The following CTNNA2 variants were observed in gnomAD, a reference collection of about 807,000 sequenced individuals.
The protein encoded by CTNNA2 is catenin alpha 2.
Under a neutral mutation model 101.0 loss-of-function variants are expected in CTNNA2, and 42 were observed. The observed-to-expected ratio is 0.42, with a 90% CI of 0.32 to 0.54. The LOEUF (loss-of-function observed/expected upper bound fraction) is 0.54, where lower values mean the gene tolerates loss of function less well. Ranked by LOEUF, CTNNA2 falls within the 20% of genes least tolerant of loss-of-function variation. The probability of loss-of-function intolerance (pLI) is 0.14; values close to 1 mark genes in which losing one functional copy is unlikely to be tolerated. For missense variants in CTNNA2, 871 were observed against 1,223.1 expected (o/e 0.71, Z 4.29); for synonymous variants, 450 against 456.4 (o/e 0.99, Z 0.18).
At chr2:80,507,236 G>A (rs1342463447) in intron 9 of CTNNA2, among the ~76,000 whole-genome samples, 1 of 152,178 alleles carries the variant, frequency 6.6e-6, no homozygotes, top group Non-Finnish European at 1.5e-5. Flanking sequence ...AAAGTACTTA[G>A]CAAGCGACGG....
chr2:80,128,495 G>A lies in CTNNA2; in HGVS notation c.1056+218698G>A, dbSNP rs139174658. 2.2e-3 allele frequency among the ~76,000 whole-genome samples: 337 copies of A among 152,172 alleles called. 3 individuals carry two copies. The highest frequency in any genetic ancestry group is 0.014 in the Middle Eastern group (4 of 294). On this transcript the variant is annotated intron_variant, in intron 7 of 18. Transcript: ENST00000402739. ...ATAATAACATCTGCCCCTCTGCCAC[G>A]CATGGGTGTTTTCAAAGCAACGTAA...
chr2:79,419,643 A>G (rs1678520395), intron 4 of CTNNA2, among the ~76,000 whole-genome samples: 1 of 152,200 alleles, frequency 6.6e-6, no homozygotes, highest in African/African-American at 2.4e-5. Context: ...TCTACAGAGC[A>G]ATAAATCCAT....
intron 1 of CTNNA2, among the ~76,000 whole-genome samples, chr2:79,529,026 A>C (rs1264690607): frequency 1.3e-5 from 2 of 152,198 alleles, no homozygotes; most frequent in Non-Finnish European, 2.9e-5. Flanking sequence ...AATTAGACAA[A>C]GGTCAAGAAG....
intron 1 of CTNNA2, among the ~76,000 whole-genome samples, chr2:79,642,763 C>A (rs1471052353): frequency 1.4e-5 from 2 of 141,430 alleles, no homozygotes; most frequent in Admixed American, 6.9e-5. Flanking sequence ...GATAATAATA[C>A]AAAAGATTTC....
In CTNNA2 at chr2:80,454,545, T is replaced by A. The variant is rs114595109; in HGVS notation, c.1290+34944T>A. 7.5e-3 allele frequency among the ~76,000 whole-genome samples: 1,145 copies of A among 152,318 alleles called. 14 individuals carry two copies. Among genetic ancestry groups the A allele is most frequent in the African/African-American group, 0.025 (1,050 of 41,554 alleles). ...CATGAATCCCTTGTCCTTGAACGTG[T>A]TCAAATGTTAGATTTTTAAAAAGCT... On this transcript the variant is annotated intron_variant, in intron 9 of 18. Transcript: ENST00000402739.
At chr2:80,285,972 C>T (rs543635592) in intron 7 of CTNNA2, among the ~76,000 whole-genome samples, 12 of 152,242 alleles carry the variant, frequency 7.9e-5, no homozygotes, top group Non-Finnish European at 1.5e-4. Flanking sequence ...GGGAAATTGA[C>T]TGTCAATTTC....
At chr2:80,534,855 G>A (rs1035940900) in intron 9 of CTNNA2, among the ~76,000 whole-genome samples, 1 of 152,122 alleles carries the variant, frequency 6.6e-6, no homozygotes, top group African/African-American at 2.4e-5. Flanking sequence ...AAAACTAGAT[G>A]CCTAAAGATG....
chr2:79,583,097 C>T (rs192235563), intron 1 of CTNNA2, among the ~76,000 whole-genome samples: 1 of 151,974 alleles, frequency 6.6e-6, no homozygotes, highest in Admixed American at 6.6e-5. Context: ...ATTATTCTAC[C>T]ACATGGTTGT....
chr2:79,832,299 G>A (rs1279301299), intron 3 of CTNNA2, among the ~76,000 whole-genome samples: 1 of 152,148 alleles, frequency 6.6e-6, no homozygotes, highest in Non-Finnish European at 1.5e-5. Flanking sequence ...TTCCTATGGT[G>A]AATATTCTGA....
chr2:80,566,211 A>G (rs1309703658), intron 12 of CTNNA2, among the ~76,000 whole-genome samples: 1 of 152,204 alleles, frequency 6.6e-6, no homozygotes, highest in African/African-American at 2.4e-5. Flanking sequence ...CAACATGGCA[A>G]CTGTCTTCCA....
chr2:79,493,042 A>G (rs1481721657), intron 4 of CTNNA2, among the ~76,000 whole-genome samples: 1 of 152,178 alleles, frequency 6.6e-6, no homozygotes, highest in African/African-American at 2.4e-5. Flanking sequence ...ACAAACTATG[A>G]TTGGGAAAAA....
intron 7 of CTNNA2, among the ~76,000 whole-genome samples, chr2:80,221,744 C>A (rs1348285115): frequency 6.6e-6 from 1 of 152,094 alleles, no homozygotes; most frequent in Admixed American, 6.6e-5. Flanking sequence ...TTATAAACTG[C>A]CTGAGCAATC....
At chr2:79,416,614 C>T (rs533797844) in intron 4 of CTNNA2, among the ~76,000 whole-genome samples, 14 of 152,166 alleles carry the variant, frequency 9.2e-5, no homozygotes, top group Admixed American at 9.2e-4. Context: ...GCTTTGTCTT[C>T]TTTAAGCTTA....
chr2:79,958,689 A>G (rs1400039339), intron 7 of CTNNA2, among the ~76,000 whole-genome samples: 1 of 152,204 alleles, frequency 6.6e-6, no homozygotes, highest in Non-Finnish European at 1.5e-5. Flanking sequence ...AAGATAATAC[A>G]TTTGAGTCGT....
At chr2:80,598,462 T>C in intron 15 of CTNNA2, among the ~76,000 whole-genome samples, 1 of 143,692 alleles carries the variant, frequency 7.0e-6, no homozygotes, top group South Asian at 2.2e-4. Context: ...ACTTAAAGTA[T>C]AAAAAAAAAA....
intron 9 of CTNNA2, among the ~76,000 whole-genome samples, chr2:80,488,366 G>C (rs72914996): frequency 0.08 from 12,113 of 151,806 alleles, 1,577 homozygotes; most frequent in African/African-American, 0.27. Flanking sequence ...CTGTTCACTA[G>C]CACTTCTATT....
At chr2:79,770,532 A>G (rs1436999669) in intron 3 of CTNNA2, among the ~76,000 whole-genome samples, 1 of 152,196 alleles carries the variant, frequency 6.6e-6, no homozygotes, top group Non-Finnish European at 1.5e-5. Context: ...CATACCACAA[A>G]AATACTGTCT....
rs1679308044 is a variant in CTNNA2 at position 79,626,431 on chromosome 2, GCCTGAAATTT to G, written c.-5-25119_-5-25110del. Among the ~76,000 whole-genome samples the G allele has an allele frequency of 2.6e-5, 4 of 152,272 alleles. No homozygotes were observed. In the South Asian group the frequency reaches 6.2e-4, roughly 24 times the overall value. On this transcript the variant is annotated intron_variant, in intron 1 of 18. Coordinates refer to ENST00000402739, the MANE Select transcript of CTNNA2 (RefSeq NM_001282597.3). Reference sequence around the variant, plus strand: ...AAAAATAACCAAGTTTGTACCATTAGCCTGAAATTTCACCGTTCCGTTCACCAAACTCTGA... The same window carrying G: ...AAAAATAACCAAGTTTGTACCATTAGCACCGTTCCGTTCACCAAACTCTGA...
At chr2:80,304,058 T>C (rs962978899) in intron 7 of CTNNA2, 2 of 426,932 alleles carry the variant, frequency 4.7e-6, no homozygotes, top group African/African-American at 4.1e-5. Context: ...ATCAAAGAGA[T>C]GGTGATTTGG....
Sources: gnomAD v4.1 joint callset for allele counts (sites outside exome capture counted in the v4.1 genomes callset) on GRCh38, gnomAD v4.1.1 for gene constraint, MANE v1.5 for transcripts, NCBI Gene and HGNC (gene_info 2026-07-23, HGNC 2026-07-21) for gene names.